Variants in DLC1 observed in about 807,000 individuals in gnomAD.
The protein encoded by DLC1 is DLC1 Rho GTPase activating protein.
A neutral mutation model predicts 140.3 loss-of-function variants in DLC1; 54 were observed. The ratio of observed to expected loss-of-function variants is 0.38; its 90% confidence interval spans 0.31 to 0.48. DLC1 has a LOEUF of 0.48. Among genes scored for constraint, DLC1 ranks in the 20% least tolerant of loss-of-function variants. The probability of loss-of-function intolerance (pLI) is 0.96; values close to 1 mark genes in which losing one functional copy is unlikely to be tolerated. For missense variants in DLC1, 2,536 were observed against 1,907.0 expected, an observed-to-expected ratio of 1.33 and a Z score of -6.14; for synonymous variants, 986 against 728.1, an observed-to-expected ratio of 1.35 and a Z score of -5.70.
chr8:13,243,417 GC>G lies in DLC1; in HGVS notation c.1348+61851del, dbSNP rs542915192. On this transcript the variant is annotated intron_variant, in intron 5 of 17. Transcript: ENST00000276297. ...TTGTGAGTTTCCTGAGGCCTCCCCA[GC>G]CATGCCTCCTGTACAGCCTGTGAAA... Among the ~76,000 whole-genome samples the G allele has an allele frequency of 3.6e-3, 551 of 151,610 alleles. 6 individuals carry two copies. The highest frequency in any genetic ancestry group is 0.012 in the African/African-American group (517 of 41,384).
At chr8:13,493,100 C>G (rs1451339552) in intron 2 of DLC1, among the ~76,000 whole-genome samples, 1 of 152,200 alleles carries the variant, frequency 6.6e-6, no homozygotes, top group Admixed American at 6.5e-5. Context: ...CAGCTCCAGT[C>G]TTTAGCCTAG....
At chr8:13,592,009 T>A (rs919152533) in intron 1 of DLC1, among the ~76,000 whole-genome samples, 6 of 151,996 alleles carry the variant, frequency 3.9e-5, no homozygotes, top group African/African-American at 1.5e-4. Flanking sequence ...CAATCAGATA[T>A]GGATTCACTG....
Position 13,086,316 on chromosome 8 carries a change from G to A in DLC1, c.4440C>T (p.Leu1480=). 6.2e-7 allele frequency: 1 copy of A among 1,614,228 alleles called. No homozygotes were observed. The highest frequency in any genetic ancestry group is 1.1e-5 in the South Asian group (1 of 91,078). The part of the protein sequence containing the change: ...IEPCGPGKSK[L]TYMCRVDLRG... ...TTAAGTCAACTCTGCACATGTAGGTGAGTTTGGATTTTCCTGGCCCACAGG... is the reference window on the plus strand; with the variant it reads ...TTAAGTCAACTCTGCACATGTAGGTAAGTTTGGATTTTCCTGGCCCACAGG... The change falls in exon 17 of 18, where the codon CTC becomes CTT. Residue 1480 remains leucine, a synonymous_variant. Transcript: ENST00000276297.
Position 13,393,938 on chromosome 8 carries a change from C to G in DLC1, c.1174-245G>C, listed in dbSNP as rs192287928. 2.7e-3 allele frequency among the ~76,000 whole-genome samples: 409 copies of G among 152,324 alleles called. 2 individuals are homozygous for G. The highest frequency in any genetic ancestry group is 9.6e-3 in the African/African-American group (398 of 41,562). On this transcript the variant is annotated intron_variant, in intron 3 of 17. Transcript: ENST00000276297. ...AACATACTATTTGGTAATTTAACAGCTGAGTGTGCATTGGAAAGGCAGGGA... is the reference window on the plus strand; with the variant it reads ...AACATACTATTTGGTAATTTAACAGGTGAGTGTGCATTGGAAAGGCAGGGA...
chr8:13,506,102 T>C (rs1303704240), intron 1 of DLC1, among the ~76,000 whole-genome samples: 1 of 152,134 alleles, frequency 6.6e-6, no homozygotes, highest in Non-Finnish European at 1.5e-5. Flanking sequence ...ATGTGATACA[T>C]ATATGTGTGT....
chr8:13,441,106 A>G (rs918770306), intron 2 of DLC1, among the ~76,000 whole-genome samples: 7 of 152,218 alleles, frequency 4.6e-5, no homozygotes, highest in Admixed American at 1.3e-4. Context: ...ATTCATCATC[A>G]ATACATTTAA....
At chr8:13,456,446 CTT>C in intron 2 of DLC1, among the ~76,000 whole-genome samples, 1 of 143,448 alleles carries the variant, frequency 7.0e-6, no homozygotes, top group South Asian at 2.1e-4. Flanking sequence ...CTTCTACTTC[CTT>C]TTTTATTTTT....
chr8:13,583,582 A>T (rs186244592), intron 1 of DLC1, among the ~76,000 whole-genome samples: 1 of 152,230 alleles, frequency 6.6e-6, no homozygotes, highest in Admixed American at 6.5e-5. Context: ...AAAAAATGCA[A>T]TATAAGTTAG....
chr8:13,559,641 A>T (rs1200895246), intron 1 of DLC1, among the ~76,000 whole-genome samples: 6 of 152,338 alleles, frequency 3.9e-5, no homozygotes, highest in African/African-American at 1.4e-4. Flanking sequence ...CTTTGCAAAG[A>T]TGCTGAGTAG....
intron 3 of DLC1, among the ~76,000 whole-genome samples, chr8:13,394,362 C>G (rs1272267464): frequency 6.6e-6 from 1 of 152,154 alleles, no homozygotes; most frequent in Admixed American, 6.5e-5. Flanking sequence ...TAATAATTTT[C>G]ATTAAATGCT....
chr8:13,121,099 A>G (rs1821020408), intron 5 of DLC1, among the ~76,000 whole-genome samples: 1 of 152,244 alleles, frequency 6.6e-6, no homozygotes, highest in South Asian at 2.1e-4. Context: ...TTTTTTAAAA[A>G]TGCAATTTTA....
intron 1 of DLC1, among the ~76,000 whole-genome samples, chr8:13,526,853 A>G (rs1162422556): frequency 3.9e-5 from 6 of 152,196 alleles, no homozygotes; most frequent in African/African-American, 1.2e-4. Context: ...GCACACCAAC[A>G]TGGCACATGT....
At chr8:13,354,788 T>A (rs61000867) in intron 4 of DLC1, among the ~76,000 whole-genome samples, 49,207 of 142,354 alleles carry the variant, frequency 0.35, 8,920 homozygotes, top group Non-Finnish European at 0.42. Context: ...CTACAAAAAA[T>A]AAAAAAAAAA....
At chr8:13,163,565 C>T (rs570465108) in intron 5 of DLC1, among the ~76,000 whole-genome samples, 3 of 152,094 alleles carry the variant, frequency 2.0e-5, no homozygotes, top group Admixed American at 6.5e-5. Flanking sequence ...GGGAAGAGAA[C>T]GAGTAGTGAT....
chr8:13,104,220 G>A (rs1321443025), intron 7 of DLC1, among the ~76,000 whole-genome samples: 1 of 151,944 alleles, frequency 6.6e-6, no homozygotes, highest in Non-Finnish European at 1.5e-5. Context: ...TCAAAATTAA[G>A]CACTCAGGTA....
At chr8:13,443,842 A>G (rs1004535586) in intron 2 of DLC1, among the ~76,000 whole-genome samples, 7 of 152,108 alleles carry the variant, frequency 4.6e-5, no homozygotes, top group African/African-American at 1.4e-4. Flanking sequence ...TGTCTTTGCT[A>G]TTAGGCGGCT....
intron 1 of DLC1, among the ~76,000 whole-genome samples, chr8:13,547,431 A>G (rs534725936): frequency 3.3e-5 from 5 of 152,018 alleles, no homozygotes; most frequent in African/African-American, 9.7e-5. Context: ...GAAGAAAATG[A>G]CTGCCTCTGT....
At chr8:13,462,248 T>G (rs1425914091) in intron 2 of DLC1, among the ~76,000 whole-genome samples, 1 of 152,192 alleles carries the variant, frequency 6.6e-6, no homozygotes, top group East Asian at 1.9e-4. Context: ...ACCAATTTTT[T>G]ATTTGTCATT....
At chr8:13,230,489 C>G in intron 5 of DLC1, among the ~76,000 whole-genome samples, 1 of 152,222 alleles carries the variant, frequency 6.6e-6, no homozygotes, top group East Asian at 1.9e-4. Flanking sequence ...CTTCCTCTTT[C>G]AGGTTTTGAT....
Sources: gnomAD v4.1 joint callset for allele counts (sites outside exome capture counted in the v4.1 genomes callset) on GRCh38, gnomAD v4.1.1 for gene constraint, MANE v1.5 for transcripts, NCBI Gene and HGNC (gene_info 2026-07-23, HGNC 2026-07-21) for gene names.